Variants in GNG12 observed in about 807,000 individuals in gnomAD.
The protein encoded by GNG12 is G protein subunit gamma 12.
For synonymous variants in GNG12, 28 were observed against 29.7 expected (o/e 0.94, Z 0.19); for missense variants, 69 against 83.8 (o/e 0.82, Z 0.69).
At chr1:67,756,345 G>A (rs901839048) in intron 2 of GNG12, among the ~76,000 whole-genome samples, 2 of 152,220 alleles carry the variant, frequency 1.3e-5, no homozygotes, top group African/African-American at 4.8e-5. Flanking sequence ...GTAATATGAG[G>A]TAGGAGAGAC....
chr1:67,792,224 ATGT>A (rs71675403), intron 1 of GNG12, among the ~76,000 whole-genome samples: 34,627 of 151,990 alleles, frequency 0.23, 4,116 homozygotes, highest in East Asian at 0.4. Flanking sequence ...TAAGAAAAGG[ATGT>A]TGTTTGTTTA....
At chr1:67,823,571 G>A (rs918682574) in intron 1 of GNG12, among the ~76,000 whole-genome samples, 2 of 152,142 alleles carry the variant, frequency 1.3e-5, no homozygotes, top group African/African-American at 2.4e-5. Flanking sequence ...TGTAAGAACC[G>A]CCCCAAACCG....
At chr1:67,803,687 C>T (rs1215950362) in intron 1 of GNG12, among the ~76,000 whole-genome samples, 2 of 152,162 alleles carry the variant, frequency 1.3e-5, no homozygotes, top group African/African-American at 4.8e-5. Flanking sequence ...TTTAGAGATG[C>T]TTAGAAAATG....
At chr1:67,781,433 T>C (rs1406064851) in intron 1 of GNG12, among the ~76,000 whole-genome samples, 1 of 152,202 alleles carries the variant, frequency 6.6e-6, no homozygotes, top group East Asian at 1.9e-4. Context: ...GGAGATGCAG[T>C]GGTGAATGAA....
intron 1 of GNG12, among the ~76,000 whole-genome samples, chr1:67,788,909 T>C (rs995461247): frequency 1.3e-5 from 2 of 152,172 alleles, no homozygotes; most frequent in East Asian, 3.8e-4. Context: ...CAAATCTTTA[T>C]AGAATGAATG....
intron 1 of GNG12, among the ~76,000 whole-genome samples, chr1:67,790,483 T>C (rs2100782582): frequency 6.6e-6 from 1 of 152,326 alleles, no homozygotes; most frequent in East Asian, 1.9e-4. Context: ...AATAACGTTC[T>C]ATCTGTCAAA....
chr1:67,775,542 A>G (rs1308066394), intron 2 of GNG12, among the ~76,000 whole-genome samples: 1 of 152,220 alleles, frequency 6.6e-6, no homozygotes, highest in Non-Finnish European at 1.5e-5. Context: ...GATTCTGATG[A>G]GCTGCTGGTG....
rs1246347766 is a variant in GNG12 at position 67,701,615 on chromosome 1, T to C, written c.*3836A>G. The stretch of plus-strand genomic sequence containing the variant: ...CTAGCTGTGAAGTACATGCTTTTAT[T>C]CTTTCCATAGGACATATTTCCAAAT... On this transcript the variant is annotated 3_prime_UTR_variant, in exon 4 of 4. Transcript: ENST00000370982. 1 of 152,676 alleles carries C rather than the reference T, an allele frequency of 6.5e-6. No homozygotes were observed. The highest frequency in any genetic ancestry group is 6.5e-5 in the Admixed American group (1 of 15,280). The allele number at this position is 152,676 out of a possible 1,614,324, so 9.5% of individuals were successfully genotyped here.
intron 2 of GNG12, among the ~76,000 whole-genome samples, chr1:67,717,237 C>T (rs921857683): frequency 6.6e-6 from 1 of 152,094 alleles, no homozygotes; most frequent in Non-Finnish European, 1.5e-5. Flanking sequence ...ACTACTCGGC[C>T]GGGTATGGTG....
At chr1:67,757,739 A>C (rs1646578340) in intron 2 of GNG12, among the ~76,000 whole-genome samples, 2 of 152,158 alleles carry the variant, frequency 1.3e-5, no homozygotes, top group African/African-American at 2.4e-5. Context: ...ACAGTGGAAA[A>C]AAATCTTGTA....
intron 2 of GNG12, among the ~76,000 whole-genome samples, chr1:67,749,772 G>T (rs766524741): frequency 1.2e-4 from 18 of 152,140 alleles, no homozygotes; most frequent in Non-Finnish European, 1.9e-4. Context: ...CCCAGACTGA[G>T]AATTTTTATC....
rs188229809 is a variant in GNG12, at chr1:67,705,206, G to C, written c.*245C>G. 26 of 359,406 alleles carry C rather than the reference G, an allele frequency of 7.2e-5. No homozygotes were observed. The highest frequency in any genetic ancestry group is 1.7e-3 in the Middle Eastern group (2 of 1,192). The allele number at this position is 359,406 out of a possible 1,614,324, so 22.3% of individuals were successfully genotyped here. A position where few individuals can be genotyped will look rare whatever the true frequency, so the allele number is the denominator to read the frequency against. ...GGCCCAGATCAACTTTCCTTAAACA[G>C]TAACCCAACATAAAGCCATAGTTAC... On this transcript the variant is annotated 3_prime_UTR_variant, in exon 4 of 4. Coordinates refer to ENST00000370982, the MANE Select transcript of GNG12 (RefSeq NM_018841.6).
chr1:67,760,770 C>T (rs570760773), intron 2 of GNG12, among the ~76,000 whole-genome samples: 1 of 152,218 alleles, frequency 6.6e-6, no homozygotes, highest in Admixed American at 6.5e-5. Context: ...TGCCAGATGC[C>T]GGGGACATGA....
chr1:67,803,329 C>T (rs1646877261), intron 1 of GNG12, among the ~76,000 whole-genome samples: 1 of 152,090 alleles, frequency 6.6e-6, no homozygotes, highest in Admixed American at 6.5e-5. Context: ...GCCTAGACAA[C>T]ATAGTGAGAC....
chr1:67,732,727 T>C (rs1314849214), intron 2 of GNG12, among the ~76,000 whole-genome samples: 1 of 152,242 alleles, frequency 6.6e-6, no homozygotes, highest in East Asian at 1.9e-4. Context: ...GGAGATTTAA[T>C]GACTTGCCCA....
intron 1 of GNG12, among the ~76,000 whole-genome samples, chr1:67,818,660 T>C (rs1285648158): frequency 2.6e-5 from 4 of 151,670 alleles, no homozygotes; most frequent in African/African-American, 9.7e-5. Context: ...CTGAGAAAGG[T>C]GGAGGTAGGA....
intron 2 of GNG12, among the ~76,000 whole-genome samples, chr1:67,768,101 C>T (rs146421249): frequency 2.0e-5 from 3 of 152,302 alleles, no homozygotes; most frequent in African/African-American, 4.8e-5. Context: ...ATTTGTAAAA[C>T]GGAATGTGCT....
chr1:67,815,262 C>T (rs931062971), intron 1 of GNG12, among the ~76,000 whole-genome samples: 1 of 152,170 alleles, frequency 6.6e-6, no homozygotes, highest in Non-Finnish European at 1.5e-5. Context: ...TCACTTATAT[C>T]CCTGATAAAA....
At chr1:67,763,118 A>AGAGAGAGAGAGG (rs1279246951) in intron 2 of GNG12, among the ~76,000 whole-genome samples, 2 of 151,808 alleles carry the variant, frequency 1.3e-5, no homozygotes, top group South Asian at 2.1e-4. Context: ...AGAGAGAGAG[A>AGAGAGAGAGAGG]GAATCAATAT....
Sources: gnomAD v4.1 joint callset for allele counts (sites outside exome capture counted in the v4.1 genomes callset) on GRCh38, gnomAD v4.1.1 for gene constraint, MANE v1.5 for transcripts, NCBI Gene and HGNC (gene_info 2026-07-23, HGNC 2026-07-21) for gene names.